KDF1: variants seen among roughly 807,000 people sequenced by gnomAD.
The protein encoded by KDF1 is keratinocyte differentiation factor 1, also known as RP11-344H11.3.
KDF1 carries 11 observed loss-of-function variants against 31.6 expected under a neutral mutation model. The observed-to-expected ratio is 0.35, with a 90% CI of 0.22 to 0.58. The LOEUF (loss-of-function observed/expected upper bound fraction) is 0.58. KDF1 is among the 20% of genes least tolerant of loss of function. The probability of loss-of-function intolerance (pLI) is 0.83; values close to 1 mark genes in which losing one functional copy is unlikely to be tolerated. For synonymous variants in KDF1, 205 were observed against 214.4 expected, an observed-to-expected ratio of 0.96 and a Z score of 0.38; for missense variants, 476 against 549.1, an observed-to-expected ratio of 0.87 and a Z score of 1.33.
At chr1:26,956,131 A>G (rs2082376470) in intron 1 of KDF1, among the ~76,000 whole-genome samples, 1 of 152,172 alleles carries the variant, frequency 6.6e-6, no homozygotes, top group Non-Finnish European at 1.5e-5. Context: ...ATTTTCTGAG[A>G]CACTGATCCC....
At position 26,952,101 on chromosome 1, in the gene KDF1, G is replaced by T. The variant is rs1332689455; in HGVS notation, c.280C>A (p.Arg94Ser). 1 of 1,613,326 alleles carries T rather than the reference G, an allele frequency of 6.2e-7. No homozygotes were observed. Among genetic ancestry groups the T allele is most frequent in the Non-Finnish European group, 8.5e-7 (1 of 1,179,908 alleles). The change falls in exon 2 of 4, where the codon CGC (arginine) becomes AGC (serine). Residue 94 changes from arginine to serine, a missense_variant. Physicochemically the swap from Arg to Ser is moderately radical, Grantham distance 110. Transcript: ENST00000320567. The surrounding 1 kb of genome is among the most constrained non-coding windows in gnomAD (Gnocchi z 4.1). ...CAGCGCTGGAGGCAATCCCGGCAGC[G>T]GCGGAAGCAGAAGGCAGCCCGGCAC... ...EWCRAAFCFR[R>S]CRDCLQRCGA...
rs1391168455 is a variant in KDF1, at chr1:26,951,395, G to A, written c.986C>T (p.Ala329Val). 3 of 1,608,224 alleles carry A rather than the reference G, an allele frequency of 1.9e-6. No individual in the cohort carries two copies. The highest frequency in any genetic ancestry group is 1.7e-6 in the Non-Finnish European group (2 of 1,176,678). ...GGTCTCATGGCCACTGTCAGGGGCAGCAGCGGTTGGGGCAGCAGCCCGAGT... is the reference window on the plus strand; with the variant it reads ...GGTCTCATGGCCACTGTCAGGGGCAACAGCGGTTGGGGCAGCAGCCCGAGT... Reference protein sequence around the residue: ...RSTRAAAPTAAAPDSGHETMV... With the variant: ...RSTRAAAPTAVAPDSGHETMV... Residue 329 changes from alanine to valine, a missense_variant, in exon 2 of 4, where the codon GCT becomes GTT. Ala to Val is a moderately conservative substitution (Grantham distance 64). Around this residue, in one of 2 missense-constraint regions of KDF1, gnomAD observed 146 missense variants for 216.8 expected, o/e 0.67. Transcript: ENST00000320567. The surrounding 1 kb of genome is among the most constrained non-coding windows in gnomAD (Gnocchi z 5.4).
chr1:26,954,422 C>T (rs947950107), intron 1 of KDF1, among the ~76,000 whole-genome samples: 1 of 151,830 alleles, frequency 6.6e-6, no homozygotes, highest in Non-Finnish European at 1.5e-5. Flanking sequence ...CAGGATTTCA[C>T]CATGTTGGCT....
intron 1 of KDF1, among the ~76,000 whole-genome samples, chr1:26,959,087 A>G (rs2082389623): frequency 6.6e-6 from 1 of 152,224 alleles, no homozygotes; most frequent in African/African-American, 2.4e-5. Flanking sequence ...GAAGCTCAGA[A>G]AGGTGAAGTG....
rs1424633161 is a variant in KDF1 at position 26,952,096 on chromosome 1, G to A, written c.285C>T (p.Cys95=). ...CTCCACAGCGCTGGAGGCAATCCCG[G>A]CAGCGGCGGAAGCAGAAGGCAGCCC... ...WCRAAFCFRR[C]RDCLQRCGAC... is the part of the protein sequence containing the mutation. Residue 95 remains cysteine (C), a synonymous_variant, in exon 2 of 4, where the codon TGC becomes TGT. Transcript: ENST00000320567. This position sits in a 1 kb window ranked among gnomAD's most constrained non-coding sequence, Gnocchi z 4.1. The A allele has an allele frequency of 1.2e-6, 2 of 1,613,306 alleles. No individual in the cohort carries two copies. The highest frequency in any genetic ancestry group is 4.5e-5 in the East Asian group (2 of 44,884).
At chr1:26,958,388 C>T (rs2082386683) in intron 1 of KDF1, among the ~76,000 whole-genome samples, 1 of 152,018 alleles carries the variant, frequency 6.6e-6, no homozygotes, top group Non-Finnish European at 1.5e-5. Flanking sequence ...CCACCTCGGC[C>T]TCTCAAAGTA....
rs1026626859 is a variant in KDF1 at position 26,952,792 on chromosome 1, C to T, written c.-32-380G>A. ...GGTCAGGAGTTCGAGACCAACCTGA[C>T]TAACATGGTGAAACTCCGTCTCTAC... On this transcript the variant is annotated intron_variant, in intron 1 of 3. Transcript: ENST00000320567. This position sits in a 1 kb window ranked among gnomAD's most constrained non-coding sequence, Gnocchi z 4.1. Among the ~76,000 whole-genome samples the T allele has an allele frequency of 2.0e-5, 3 of 152,046 alleles. No homozygotes were observed. Among genetic ancestry groups the T allele is most frequent in the African/African-American group, 7.2e-5 (3 of 41,394 alleles).
Position 26,952,428 on chromosome 1 carries a change from C to T in KDF1, c.-32-16G>A, listed in dbSNP as rs757208209. 1.4e-6 allele frequency: 2 copies of T among 1,464,448 alleles called. No individual in the cohort carries two copies. Among genetic ancestry groups the T allele is most frequent in the Non-Finnish European group, 1.8e-6 (2 of 1,103,850 alleles). 90.7% of individuals were successfully genotyped at this position (1,464,448 alleles called of 1,614,324 possible). On this transcript the variant is annotated splice_polypyrimidine_tract_variant and intron_variant, in intron 1 of 3. Transcript: ENST00000320567. The surrounding 1 kb of genome is among the most constrained non-coding windows in gnomAD (Gnocchi z 4.1). ...AGCCAGGCACCTGCGTGGGGAGAGGCCAGGAAGGAGTCAGGATCAGAGGTG... is the reference window on the plus strand; with the variant it reads ...AGCCAGGCACCTGCGTGGGGAGAGGTCAGGAAGGAGTCAGGATCAGAGGTG...
chr1:26,954,299 C>T (rs2082366894), intron 1 of KDF1, among the ~76,000 whole-genome samples: 1 of 151,092 alleles, frequency 6.6e-6, no homozygotes, highest in Admixed American at 6.6e-5. Context: ...TCTCGGCTCA[C>T]TACAACCTCT....
Position 26,950,645 on chromosome 1 carries a change from C to T in KDF1, c.1114+37G>A. The T allele has an allele frequency of 1.3e-6, 2 of 1,568,444 alleles. No homozygotes were observed. Among genetic ancestry groups the T allele is most frequent in the South Asian group, 1.1e-5 (1 of 90,154 alleles). On this transcript the variant is annotated intron_variant, in intron 3 of 3. Coordinates refer to ENST00000320567, the MANE Select transcript of KDF1 (RefSeq NM_152365.3). The surrounding 1 kb of genome is among the most constrained non-coding windows in gnomAD (Gnocchi z 4.0). ...AGGTGAGGGGCCCCTAGGGTAGTCC[C>T]CCACCCTCCACACCCCTCATTAGGT...
In KDF1 at chr1:26,950,651, C is replaced by T; in HGVS notation, c.1114+31G>A. 1 of 1,599,298 alleles carries T rather than the reference C, an allele frequency of 6.3e-7. No homozygotes were observed. The highest frequency in any genetic ancestry group is 1.1e-5 in the South Asian group (1 of 90,762). On this transcript the variant is annotated intron_variant, in intron 3 of 3. Transcript: ENST00000320567. The surrounding 1 kb of genome is among the most constrained non-coding windows in gnomAD (Gnocchi z 4.0). ...GGGGCCCCTAGGGTAGTCCCCCACCCTCCACACCCCTCATTAGGTCAAGAC... is the reference window on the plus strand; with the variant it reads ...GGGGCCCCTAGGGTAGTCCCCCACCTTCCACACCCCTCATTAGGTCAAGAC...
intron 1 of KDF1, among the ~76,000 whole-genome samples, chr1:26,954,782 G>A (rs1288733500): frequency 6.9e-6 from 1 of 145,876 alleles, no homozygotes; most frequent in Non-Finnish European, 1.5e-5. Flanking sequence ...GAAGTGAGCC[G>A]AGATGGCGCC....
In KDF1 at chr1:26,951,981, C is replaced by A. The variant is rs781573827; in HGVS notation, c.400G>T (p.Val134Leu). 8 of 1,609,370 alleles carry A rather than the reference C, an allele frequency of 5.0e-6. No homozygotes were observed. The highest frequency in any genetic ancestry group is 5.9e-6 in the Non-Finnish European group (7 of 1,176,726). ...EANWAKEHNGVPPSPDRAPPS... is the reference protein window; with the variant it reads ...EANWAKEHNGLPPSPDRAPPS... ...GGTGCACGATCAGGGCTGGGGGGCACTCCATTGTGCTCCTTGGCCCAGTTG... is the reference window on the plus strand; with the variant it reads ...GGTGCACGATCAGGGCTGGGGGGCAATCCATTGTGCTCCTTGGCCCAGTTG... Residue 134 changes from valine to leucine, a missense_variant, in exon 2 of 4, where the codon GTG (valine) becomes TTG (leucine). This residue lies in a region of KDF1 where 330 missense variants were observed against 332.3 expected (regional missense o/e 0.99). Transcript: ENST00000320567. This position sits in a 1 kb window ranked among gnomAD's most constrained non-coding sequence, Gnocchi z 5.4.
At position 26,952,457 on chromosome 1, in the gene KDF1, G is replaced by C; in HGVS notation, c.-32-45C>G. On this transcript the variant is annotated intron_variant, in intron 1 of 3. Coordinates refer to ENST00000320567, the MANE Select transcript of KDF1 (RefSeq NM_152365.3). This position sits in a 1 kb window ranked among gnomAD's most constrained non-coding sequence, Gnocchi z 4.1. ...GAAGGAGTCAGGATCAGAGGTGAGG[G>C]ACAAACTCCTGGGCTGACTTGAGCA... 9.8e-6 allele frequency: 13 copies of C among 1,328,460 alleles called. No homozygotes were observed. Among genetic ancestry groups the C allele is most frequent in the Non-Finnish European group, 1.3e-5 (13 of 985,460 alleles). The allele number at this position is 1,328,460 out of a possible 1,614,324, so 82.3% of individuals were successfully genotyped here.
In KDF1 at chr1:26,950,693, T is replaced by C; in HGVS notation, c.1103A>G (p.Tyr368Cys). ...ADAIARKLRP[Y>C]GAPGYPASHD... ...GGTCAAGACCACACCTGGAGCTCCATAAGGCCTCAGCTTCCGGGCGATGGC... is the reference window on the plus strand; with the variant it reads ...GGTCAAGACCACACCTGGAGCTCCACAAGGCCTCAGCTTCCGGGCGATGGC... The change falls in exon 3 of 4, where the codon TAT (tyrosine) becomes TGT (cysteine). Residue 368 changes from tyrosine (Y) to cysteine (C), a missense_variant. Tyr to Cys is a radical substitution (Grantham distance 194). Coordinates refer to ENST00000320567, the MANE Select transcript of KDF1 (RefSeq NM_152365.3). This position sits in a 1 kb window ranked among gnomAD's most constrained non-coding sequence, Gnocchi z 4.0. 2 of 1,593,626 alleles carry C rather than the reference T, an allele frequency of 1.3e-6. No homozygotes were observed. Among genetic ancestry groups the C allele is most frequent in the Non-Finnish European group, 1.7e-6 (2 of 1,164,386 alleles).
rs376564837 is a variant in KDF1 at position 26,951,553 on chromosome 1, C to G, written c.828G>C (p.Ser276=). ...TVFLEKTSKI[S]DLISSITQDY... is the part of the protein sequence containing the mutation. Reference sequence around the variant, plus strand: ...CCTGCGTGATGCTGCTGATAAGGTCCGAGATCTTACTGGTCTTCTCCAGGA... The same window carrying G: ...CCTGCGTGATGCTGCTGATAAGGTCGGAGATCTTACTGGTCTTCTCCAGGA... The change falls in exon 2 of 4, where the codon TCG becomes TCC. Residue 276 remains serine, a synonymous_variant. Coordinates refer to ENST00000320567, the MANE Select transcript of KDF1 (RefSeq NM_152365.3). The surrounding 1 kb of genome is among the most constrained non-coding windows in gnomAD (Gnocchi z 5.4). 1 of 1,612,774 alleles carries G rather than the reference C, an allele frequency of 6.2e-7. No individual in the cohort carries two copies. Among genetic ancestry groups the G allele is most frequent in the South Asian group, 1.1e-5 (1 of 91,068 alleles).
chr1:26,952,267 T>A lies in KDF1; in HGVS notation c.114A>T (p.Pro38=). Residue 38 remains proline, a synonymous_variant, in exon 2 of 4, where the codon CCA becomes CCT. Coordinates refer to ENST00000320567, the MANE Select transcript of KDF1 (RefSeq NM_152365.3). The surrounding 1 kb of genome is among the most constrained non-coding windows in gnomAD (Gnocchi z 4.1). ...GGTCTGGTCTACGGGTGCGGCGGCT[T>A]GGTGGGGGCTGAGGTGGTTTATCAT... ...ETYDKPPQPP[P]SRRTRRPDPK... 6.3e-7 allele frequency: 1 copy of A among 1,579,118 alleles called. No individual in the cohort carries two copies. The highest frequency in any genetic ancestry group is 8.6e-7 in the Non-Finnish European group (1 of 1,161,252).
Position 26,951,947 on chromosome 1 carries a change from C to T in KDF1, c.434G>A (p.Arg145Gln), listed in dbSNP as rs550041376. The T allele has an allele frequency of 9.3e-6, 15 of 1,604,416 alleles. No homozygotes were observed. The African/African-American group carries it at 9.4e-5, about 10-fold the overall frequency. ...PPSPDRAPPS[R>Q]RDGQRLKSTM... The stretch of plus-strand genomic sequence containing the variant: ...TGACTTGAGCCGCTGGCCATCCCGC[C>T]GGCTGGGGGGTGCACGATCAGGGCT... Residue 145 changes from arginine (R) to glutamine (Q), a missense_variant, in exon 2 of 4, where the codon CGG becomes CAG. Transcript: ENST00000320567. The surrounding 1 kb of genome is among the most constrained non-coding windows in gnomAD (Gnocchi z 5.4).
intron 1 of KDF1, among the ~76,000 whole-genome samples, chr1:26,958,665 A>G (rs1441685574): frequency 6.6e-6 from 1 of 152,180 alleles, no homozygotes; most frequent in Non-Finnish European, 1.5e-5. Context: ...ATCTGTACAC[A>G]ATTGGCCTGG....
Sources: allele counts gnomAD v4.1 joint callset (sites outside exome capture counted in the v4.1 genomes callset), GRCh38; gene constraint gnomAD v4.1.1; regional missense constraint gnomAD v4.1.1; non-coding constraint Gnocchi (gnomAD v3.1); transcripts MANE v1.5; gene names NCBI Gene and HGNC (gene_info 2026-07-23, HGNC 2026-07-21).